Variants in PLXNA4 observed in about 807,000 individuals in gnomAD.
PLXNA4 encodes plexin-A4.
A neutral mutation model predicts 191.8 loss-of-function variants in PLXNA4; 44 were observed. The ratio of observed to expected loss-of-function variants is 0.23; its 90% CI spans 0.18 to 0.29. The LOEUF is 0.29. Ranked by LOEUF, PLXNA4 falls within the 10% of genes least tolerant of loss-of-function variation. PLXNA4 has a pLI of 1.00. For synonymous variants in PLXNA4, 1,082 were observed against 1,009.5 expected (o/e 1.07, Z -1.36); for missense variants, 1,800 against 2,488.8 (o/e 0.72, Z 5.89).
chr7:132,413,835 C>T (rs779326978), intron 3 of PLXNA4, among the ~76,000 whole-genome samples: 2 of 152,172 alleles, frequency 1.3e-5, no homozygotes, highest in Non-Finnish European at 2.9e-5. Flanking sequence ...CCACTATACA[C>T]TCCTCACTCC....
intron 3 of PLXNA4, among the ~76,000 whole-genome samples, chr7:132,331,422 G>C (rs1282864520): frequency 5.3e-5 from 8 of 152,220 alleles, no homozygotes; most frequent in Admixed American, 5.2e-4. Context: ...CCCAGTCAGA[G>C]CCACTGGCCC....
intron 31 of PLXNA4, among the ~76,000 whole-genome samples, chr7:132,131,584 T>A (rs1563047347): frequency 6.6e-6 from 1 of 152,218 alleles, no homozygotes; most frequent in Non-Finnish European, 1.5e-5. Context: ...TTAATGTTTC[T>A]TTAGTTGTGG....
intron 3 of PLXNA4, among the ~76,000 whole-genome samples, chr7:132,306,356 C>A: frequency 6.6e-6 from 1 of 152,208 alleles, no homozygotes; most frequent in East Asian, 1.9e-4. Flanking sequence ...GCCTTGAGCA[C>A]ATGACTTCAG....
intron 3 of PLXNA4, among the ~76,000 whole-genome samples, chr7:132,305,159 G>A (rs1179382848): frequency 6.6e-6 from 1 of 152,152 alleles, no homozygotes; most frequent in African/African-American, 2.4e-5. Flanking sequence ...GGTGATAAGT[G>A]GGACACCTAG....
intron 27 of PLXNA4, 77 bp downstream of exon 27, chr7:132,147,823 C>G: frequency 1.3e-6 from 2 of 1,596,108 alleles, no homozygotes. Context: ...AGTCTCCTGC[C>G]TTCTGGCTAT....
rs188265477 is a variant in PLXNA4 at position 132,219,294 on chromosome 7, C to T, written c.2097+4233G>A. On this transcript the variant is annotated intron_variant, in intron 9 of 31. Coordinates refer to ENST00000321063, the MANE Select transcript of PLXNA4 (RefSeq NM_020911.2). ...GGTCACCCTGTTAGGTAAAGGTGGT[C>T]GACCTAAGCCTTGACTTGACACTCA... Among the ~76,000 whole-genome samples, 10 of 152,274 alleles carry T rather than the reference C, an allele frequency of 6.6e-5. No individual in the cohort carries two copies. The East Asian group carries it at 7.7e-4, about 12-fold the overall frequency.
At chr7:132,163,303 C>G (rs1052661946) in intron 24 of PLXNA4, among the ~76,000 whole-genome samples, 2 of 152,218 alleles carry the variant, frequency 1.3e-5, no homozygotes, top group African/African-American at 4.8e-5. Flanking sequence ...TGACCAAGCA[C>G]TAGTGCATGA....
chr7:132,414,362 A>G (rs969803665), intron 3 of PLXNA4, among the ~76,000 whole-genome samples: 1 of 152,178 alleles, frequency 6.6e-6, no homozygotes. Flanking sequence ...TATGGCTTCA[A>G]TTAAGCGATG....
intron 20 of PLXNA4, among the ~76,000 whole-genome samples, chr7:132,175,123 G>A (rs1442829482): frequency 6.6e-6 from 1 of 152,202 alleles, no homozygotes; most frequent in African/African-American, 2.4e-5. Flanking sequence ...AAGATGTAGT[G>A]CAAGAAACCT....
At chr7:132,450,341 T>C (rs548826681) in intron 3 of PLXNA4, among the ~76,000 whole-genome samples, 1 of 152,292 alleles carries the variant, frequency 6.6e-6, no homozygotes, top group African/African-American at 2.4e-5. Flanking sequence ...AGTTTCAAAA[T>C]GGGAGGGAGT....
At chr7:132,529,955 A>G (rs2116428980) in intron 1 of PLXNA4, among the ~76,000 whole-genome samples, 1 of 152,304 alleles carries the variant, frequency 6.6e-6, no homozygotes, top group South Asian at 2.1e-4. Context: ...AACCACTGAT[A>G]GGCAAACCCT....
chr7:132,479,840 T>G (rs1797270569), intron 3 of PLXNA4, among the ~76,000 whole-genome samples: 1 of 152,166 alleles, frequency 6.6e-6, no homozygotes, highest in Non-Finnish European at 1.5e-5. Context: ...TATATTTTAG[T>G]AGAGACAGGG....
At chr7:132,291,313 C>T (rs1321817037) in intron 4 of PLXNA4, among the ~76,000 whole-genome samples, 1 of 152,200 alleles carries the variant, frequency 6.6e-6, no homozygotes, top group African/African-American at 2.4e-5. Flanking sequence ...AAGAGCACTC[C>T]CCTCCACTCT....
At chr7:132,386,207 C>T (rs993458798) in intron 3 of PLXNA4, among the ~76,000 whole-genome samples, 3 of 152,124 alleles carry the variant, frequency 2.0e-5, no homozygotes, top group African/African-American at 7.2e-5. Context: ...TGAAAGGAAT[C>T]CTGCCAGCCC....
intron 14 of PLXNA4, among the ~76,000 whole-genome samples, chr7:132,188,414 C>T (rs1796950603): frequency 1.3e-5 from 2 of 152,188 alleles, no homozygotes; most frequent in South Asian, 2.1e-4. Context: ...TTCTCTCTCC[C>T]TTCCCCAGCT....
chr7:132,310,844 C>CTG (rs34687014), intron 3 of PLXNA4, among the ~76,000 whole-genome samples: 5,432 of 152,218 alleles, frequency 0.036, 153 homozygotes, highest in Middle Eastern at 0.058. Flanking sequence ...CCAAGGACAG[C>CTG]TGTGTGTGTG....
intron 3 of PLXNA4, among the ~76,000 whole-genome samples, chr7:132,375,891 A>G (rs889042153): frequency 3.9e-5 from 6 of 152,210 alleles, no homozygotes; most frequent in African/African-American, 1.4e-4. Context: ...TTTAGAAAGG[A>G]AAAAGGCAAA....
At chr7:132,235,047 A>T (rs867556344) in intron 5 of PLXNA4, among the ~76,000 whole-genome samples, 1 of 152,222 alleles carries the variant, frequency 6.6e-6, no homozygotes, top group Non-Finnish European at 1.5e-5. Context: ...TTAAGTGGAC[A>T]TTGGCATGGC....
chr7:132,161,777 G>A (rs142602378), intron 24 of PLXNA4, among the ~76,000 whole-genome samples: 108 of 152,178 alleles, frequency 7.1e-4, no homozygotes, highest in African/African-American at 2.3e-3. Context: ...GCTCCCAGGT[G>A]GGCATTTAGT....
Sources: allele counts gnomAD v4.1 joint callset (sites outside exome capture counted in the v4.1 genomes callset), GRCh38; gene constraint gnomAD v4.1.1; transcripts MANE v1.5; gene names NCBI Gene and HGNC (gene_info 2026-07-23, HGNC 2026-07-21).